Variants in SLC4A4 observed in about 807,000 individuals in gnomAD.
The protein encoded by SLC4A4 is electrogenic sodium bicarbonate cotransporter 1.
In SLC4A4, 27 loss-of-function variants were observed where a neutral mutation model predicts 111.5. That is an observed-to-expected ratio of 0.24 (90% confidence interval 0.18 to 0.33). The LOEUF is 0.33. Among genes scored for constraint, SLC4A4 ranks in the 10% least tolerant of loss-of-function variants. The pLI, the probability that SLC4A4 is intolerant of heterozygous loss-of-function variation, is 1.00. For synonymous variants in SLC4A4, 443 were observed against 463.4 expected (o/e 0.96, Z 0.57); for missense variants, 909 against 1,315.5 (o/e 0.69, Z 4.78).
At chr4:71,087,776 G>T (rs1180814316) in intron 1 of SLC4A4, among the ~76,000 whole-genome samples, 1 of 152,054 alleles carries the variant, frequency 6.6e-6, no homozygotes, top group Non-Finnish European at 1.5e-5. Context: ...GAGACTGTTT[G>T]TTATAATTTC....
intron 2 of SLC4A4, among the ~76,000 whole-genome samples, chr4:71,244,515 CCTA>C (rs1237706111): frequency 2.0e-5 from 3 of 152,134 alleles, no homozygotes; most frequent in African/African-American, 7.2e-5. Context: ...CCTCTCATCT[CCTA>C]CTTTTTTCTA....
chr4:71,115,888 T>C (rs1249831389), intron 2 of SLC4A4, among the ~76,000 whole-genome samples: 1 of 152,194 alleles, frequency 6.6e-6, no homozygotes, highest in Non-Finnish European at 1.5e-5. Context: ...ATTCTTTTTA[T>C]TTTTATTTTA....
chr4:71,131,542 T>C (rs17688758), intron 2 of SLC4A4, among the ~76,000 whole-genome samples: 9,199 of 152,316 alleles, frequency 0.06, 358 homozygotes, highest in East Asian at 0.15. Context: ...ATAAGCAGCA[T>C]TGTGCCTGGA....
At chr4:71,553,376 A>G (rs1281490796) in intron 20 of SLC4A4, among the ~76,000 whole-genome samples, 2 of 151,896 alleles carry the variant, frequency 1.3e-5, no homozygotes, top group Non-Finnish European at 2.9e-5. Flanking sequence ...TCACTTTGAC[A>G]TTAGAACCAC....
chr4:71,143,994 TG>T (rs1744088204), intron 2 of SLC4A4, among the ~76,000 whole-genome samples: 1 of 152,218 alleles, frequency 6.6e-6, no homozygotes, highest in African/African-American at 2.4e-5. Context: ...CCATTGCTTT[TG>T]GTGTTTTAGT....
chr4:71,493,996 T>C (rs1730178523), intron 15 of SLC4A4, among the ~76,000 whole-genome samples: 2 of 152,002 alleles, frequency 1.3e-5, no homozygotes, highest in African/African-American at 4.8e-5. Context: ...TTCACTTCCA[T>C]TGTGGATACC....
chr4:71,447,941 A>T (rs929774989), intron 9 of SLC4A4, among the ~76,000 whole-genome samples: 1 of 152,230 alleles, frequency 6.6e-6, no homozygotes, highest in East Asian at 1.9e-4. Flanking sequence ...GGGATTCTAA[A>T]CTCTGTTGGA....
At chr4:71,374,469 T>A (rs577249417) in intron 6 of SLC4A4, among the ~76,000 whole-genome samples, 1 of 152,340 alleles carries the variant, frequency 6.6e-6, no homozygotes, top group East Asian at 1.9e-4. Flanking sequence ...AGAAATTGTA[T>A]GTGGTATGCA....
chr4:71,081,498 T>C (rs942735326), intron 1 of SLC4A4, among the ~76,000 whole-genome samples: 8 of 152,156 alleles, frequency 5.3e-5, no homozygotes, highest in Non-Finnish European at 1.0e-4. Context: ...GGAGTAGCTC[T>C]TATCTCAGGT....
At chr4:71,215,681 G>T (rs1235332496) in intron 1 of SLC4A4, among the ~76,000 whole-genome samples, 1 of 152,172 alleles carries the variant, frequency 6.6e-6, no homozygotes, top group African/African-American at 2.4e-5. Context: ...TTATGGGACT[G>T]TGTTTCATCC....
At chr4:71,178,789 G>T (rs570967553) in intron 2 of SLC4A4, among the ~76,000 whole-genome samples, 1 of 152,280 alleles carries the variant, frequency 6.6e-6, no homozygotes, top group South Asian at 2.1e-4. Context: ...GGAGGAGCTG[G>T]TACCATTCCT....
chr4:71,085,910 CT>C (rs1004057866), intron 1 of SLC4A4, among the ~76,000 whole-genome samples: 2 of 151,906 alleles, frequency 1.3e-5, no homozygotes, highest in Non-Finnish European at 2.9e-5. Flanking sequence ...TCCATATGAA[CT>C]TTAAAGTAGT....
At chr4:71,098,682 A>G (rs1218115934) in intron 2 of SLC4A4, among the ~76,000 whole-genome samples, 2 of 152,132 alleles carry the variant, frequency 1.3e-5, no homozygotes, top group Non-Finnish European at 2.9e-5. Context: ...AGCTAGATAA[A>G]AAGCAAGACC....
intron 2 of SLC4A4, among the ~76,000 whole-genome samples, chr4:71,151,634 C>T (rs575956710): frequency 3.2e-4 from 49 of 151,514 alleles, no homozygotes; most frequent in Non-Finnish European, 6.0e-4. Flanking sequence ...AAAAATATTT[C>T]CTGTCTGCGC....
chr4:71,451,840 C>T (rs1272326963), intron 11 of SLC4A4, among the ~76,000 whole-genome samples: 1 of 152,164 alleles, frequency 6.6e-6, no homozygotes, highest in Non-Finnish European at 1.5e-5. Flanking sequence ...CCAGCCTTCA[C>T]CTCTTGGCTT....
chr4:71,548,471 ATG>A (rs1224715359), intron 20 of SLC4A4, among the ~76,000 whole-genome samples: 1 of 151,894 alleles, frequency 6.6e-6, no homozygotes, highest in Non-Finnish European at 1.5e-5. Context: ...ATACCTCTTC[ATG>A]AAGTTTCCAA....
intron 14 of SLC4A4, among the ~76,000 whole-genome samples, chr4:71,477,668 A>T (rs1728491046): frequency 6.6e-6 from 1 of 151,806 alleles, no homozygotes. Context: ...TCTAAGAGGA[A>T]TCTCTTTAAT....
intron 2 of SLC4A4, among the ~76,000 whole-genome samples, chr4:71,151,337 A>C (rs150146454): frequency 6.6e-6 from 1 of 152,072 alleles, no homozygotes; most frequent in African/African-American, 2.4e-5. Flanking sequence ...GTTTTGCCCT[A>C]CTTCTTTAGA....
At chr4:71,140,593 C>T (rs1578517029) in intron 2 of SLC4A4, among the ~76,000 whole-genome samples, 1 of 152,240 alleles carries the variant, frequency 6.6e-6, no homozygotes, top group South Asian at 2.1e-4. Context: ...AGCTGCTCTG[C>T]CCCAACCCCA....
Sources: allele counts gnomAD v4.1 joint callset (sites outside exome capture counted in the v4.1 genomes callset), GRCh38; gene constraint gnomAD v4.1.1; transcripts MANE v1.5; gene names NCBI Gene and HGNC (gene_info 2026-07-23, HGNC 2026-07-21).